CAMTA1: variants seen among roughly 807,000 people sequenced by gnomAD.
The protein encoded by CAMTA1 is calmodulin-binding transcription activator 1.
In CAMTA1, 27 loss-of-function variants were observed where a neutral mutation model predicts 170.9. That is an observed-to-expected ratio of 0.16 (90% CI 0.12 to 0.22). The LOEUF (loss-of-function observed/expected upper bound fraction) is 0.22. Ranked by LOEUF, CAMTA1 falls within the 10% of genes least tolerant of loss-of-function variation. CAMTA1 has a pLI of 1.00. For missense variants in CAMTA1, 1,619 were observed against 2,217.2 expected (o/e 0.73, Z 5.42); for synonymous variants, 833 against 891.5 (o/e 0.93, Z 1.17).
intron 11 of CAMTA1, among the ~76,000 whole-genome samples, chr1:7,704,525 G>A (rs1334430804): frequency 6.8e-6 from 1 of 147,832 alleles, no homozygotes; most frequent in African/African-American, 2.4e-5. Flanking sequence ...CCGGGCCCCC[G>A]CCGTCCAGCG....
rs990187110 is a variant in CAMTA1 at position 7,067,623 on chromosome 1, C to T, written c.235-23681C>T. Among the ~76,000 whole-genome samples the T allele has an allele frequency of 2.6e-5, 4 of 152,210 alleles. No homozygotes were observed. The highest frequency in any genetic ancestry group is 5.9e-5 in the Non-Finnish European group (4 of 68,032). ...TAAGTTCCTCGCATTTATTGTGTGT[C>T]TATTTGTCTATTTTAACCCAGAACA... On this transcript the variant is annotated intron_variant, in intron 3 of 22. Transcript: ENST00000303635. The surrounding 1 kb of genome is among the most constrained non-coding windows in gnomAD (Gnocchi z 4.3).
intron 3 of CAMTA1, among the ~76,000 whole-genome samples, chr1:6,886,779 A>T (rs1168458441): frequency 2.6e-5 from 4 of 152,120 alleles, no homozygotes; most frequent in Non-Finnish European, 5.9e-5. Context: ...TCCCTTTTTG[A>T]CCCTTCCCCC....
chr1:7,389,510 T>C (rs845227), intron 5 of CAMTA1: 110,852 of 152,454 alleles, frequency 0.73, 40,795 homozygotes, highest in Middle Eastern at 0.81. Context: ...CACAGCCCCA[T>C]TGCAGCACCC....
At chr1:7,154,470 C>T (rs1646752596) in intron 4 of CAMTA1, among the ~76,000 whole-genome samples, 1 of 152,204 alleles carries the variant, frequency 6.6e-6, no homozygotes, top group Non-Finnish European at 1.5e-5. Flanking sequence ...CCATCACTTC[C>T]CATCTCTGGG....
In CAMTA1 at chr1:7,561,836, C is replaced by T. The variant is rs1557919635; in HGVS notation, c.511-78564C>T. Among the ~76,000 whole-genome samples the T allele has an allele frequency of 6.6e-6, 1 of 152,160 alleles. No individual in the cohort carries two copies. Among genetic ancestry groups the T allele is most frequent in the Non-Finnish European group, 1.5e-5 (1 of 68,024 alleles). ...TGACTCGGGGATGGATGAGAACGAA[C>T]CCTCATCCCTGCCTGCACGCCGGCC... On this transcript the variant is annotated intron_variant, in intron 6 of 22. Coordinates refer to ENST00000303635, the MANE Select transcript of CAMTA1 (RefSeq NM_015215.4). This position sits in a 1 kb window ranked among gnomAD's most constrained non-coding sequence, Gnocchi z 5.3.
intron 6 of CAMTA1, among the ~76,000 whole-genome samples, chr1:7,551,835 C>T (rs1197727958): frequency 6.6e-6 from 1 of 152,184 alleles, no homozygotes; most frequent in Non-Finnish European, 1.5e-5. Flanking sequence ...AGAAGGACAC[C>T]TCTTAGGCTT....
rs1643368876 is a variant in CAMTA1 at position 6,799,362 on chromosome 1, C to T, written c.45+13787C>T. On this transcript the variant is annotated intron_variant, in intron 1 of 22. Transcript: ENST00000303635. ...AGGCTTACAGGCATGAGCCGCTGTG[C>T]CTGGCTTGTACTCTTTCACTAGCTG... Among the ~76,000 whole-genome samples, 8 of 152,234 alleles carry T rather than the reference C, an allele frequency of 5.3e-5. No homozygotes were observed. In the South Asian group the frequency reaches 1.7e-3, roughly 31 times the overall value.
At chr1:7,648,576 C>T (rs2095826028) in intron 7 of CAMTA1, among the ~76,000 whole-genome samples, 1 of 152,170 alleles carries the variant, frequency 6.6e-6, no homozygotes, top group African/African-American at 2.4e-5. Flanking sequence ...GGGTCACTAC[C>T]TCTGAGCAGA....
intron 3 of CAMTA1, among the ~76,000 whole-genome samples, chr1:7,069,123 A>C (rs1188360570): frequency 6.6e-6 from 1 of 152,106 alleles, no homozygotes; most frequent in Non-Finnish European, 1.5e-5. Context: ...ATTTCCGGCC[A>C]TGTCTTTATT....
At chr1:7,698,128 C>T (rs570428809) in intron 11 of CAMTA1, among the ~76,000 whole-genome samples, 24 of 139,228 alleles carry the variant, frequency 1.7e-4, no homozygotes, top group South Asian at 5.1e-4. Flanking sequence ...GCAGCAACAA[C>T]GGATTTGGAT....
At chr1:7,690,929 G>A (rs904457641) in intron 11 of CAMTA1, among the ~76,000 whole-genome samples, 4 of 152,310 alleles carry the variant, frequency 2.6e-5, no homozygotes, top group South Asian at 2.1e-4. Context: ...CTTGCTTCCC[G>A]GTTATTCACG....
At chr1:7,413,253 C>T (rs934864855) in intron 5 of CAMTA1, among the ~76,000 whole-genome samples, 1 of 152,154 alleles carries the variant, frequency 6.6e-6, no homozygotes, top group African/African-American at 2.4e-5. Flanking sequence ...TTTTTTGGTT[C>T]CATATGAACT....
At chr1:7,056,665 G>A (rs574486903) in intron 3 of CAMTA1, among the ~76,000 whole-genome samples, 3 of 152,052 alleles carry the variant, frequency 2.0e-5, no homozygotes, top group South Asian at 2.1e-4. Flanking sequence ...GTCAGGGGAT[G>A]GGGAGGCAGA....
At chr1:6,870,758 C>T (rs1185694799) in intron 3 of CAMTA1, among the ~76,000 whole-genome samples, 2 of 152,210 alleles carry the variant, frequency 1.3e-5, no homozygotes, top group Admixed American at 6.5e-5. Context: ...ATCATTTACA[C>T]TGCTTTGTAG....
At position 7,673,811 on chromosome 1, in the gene CAMTA1, C is replaced by T. The variant is rs1418493095; in HGVS notation, c.2779+2774C>T. On this transcript the variant is annotated intron_variant, in intron 10 of 22. Transcript: ENST00000303635. This position sits in a 1 kb window ranked among gnomAD's most constrained non-coding sequence, Gnocchi z 4.6. ...GTATTAATTCATTCATTCATTTCTTCATTTGCCAAATAACTTTTGAGTAGC... is the reference window on the plus strand; with the variant it reads ...GTATTAATTCATTCATTCATTTCTTTATTTGCCAAATAACTTTTGAGTAGC... 1.3e-5 allele frequency among the ~76,000 whole-genome samples: 2 copies of T among 152,214 alleles called. No individual in the cohort carries two copies. Among genetic ancestry groups the T allele is most frequent in the African/African-American group, 4.8e-5 (2 of 41,436 alleles).
At chr1:7,739,421 CTCACCAATGTGT>C (rs1238064257) in intron 16 of CAMTA1, among the ~76,000 whole-genome samples, 1 of 152,222 alleles carries the variant, frequency 6.6e-6, no homozygotes, top group African/African-American at 2.4e-5. Flanking sequence ...AGCTTGCATG[CTCACCAATGTGT>C]TCCCATTTCT....
intron 5 of CAMTA1, among the ~76,000 whole-genome samples, chr1:7,448,883 C>G (rs908293647): frequency 6.6e-6 from 1 of 152,264 alleles, no homozygotes; most frequent in East Asian, 1.9e-4. Flanking sequence ...TTGCAGGCCC[C>G]TCTGTGGGCG....
intron 3 of CAMTA1, among the ~76,000 whole-genome samples, chr1:7,028,843 A>T (rs995846305): frequency 6.6e-5 from 10 of 152,260 alleles, no homozygotes; most frequent in Non-Finnish European, 1.2e-4. Flanking sequence ...GAGCAGAGAG[A>T]CAATACGCAA....
At chr1:7,153,155 C>T (rs776398876) in intron 4 of CAMTA1, among the ~76,000 whole-genome samples, 2 of 152,108 alleles carry the variant, frequency 1.3e-5, no homozygotes, top group Non-Finnish European at 2.9e-5. Context: ...TGTCTTGAAC[C>T]CTCTTCTGTC....
Sources: allele counts gnomAD v4.1 joint callset (sites outside exome capture counted in the v4.1 genomes callset), GRCh38; gene constraint gnomAD v4.1.1; non-coding constraint Gnocchi (gnomAD v3.1); transcripts MANE v1.5; gene names NCBI Gene and HGNC (gene_info 2026-07-23, HGNC 2026-07-21).